Variants in COL6A5 observed in about 807,000 individuals in gnomAD.
COL6A5 encodes collagen alpha-5(VI) chain.
COL6A5 carries 48 observed loss-of-function variants against 65.6 expected under a neutral mutation model. The observed-to-expected ratio is 0.73, with a 90% CI of 0.58 to 0.93. COL6A5 has a LOEUF of 0.93. COL6A5 is among the 40% of genes least tolerant of loss of function. COL6A5 has a pLI of 0.00. For synonymous variants in COL6A5, 291 were observed against 322.8 expected, an observed-to-expected ratio of 0.90 and a Z score of 1.05; for missense variants, 914 against 928.3, an observed-to-expected ratio of 0.98 and a Z score of 0.20.
chr3:130,410,110 T>C, intron 19 of COL6A5, 36 bp downstream of exon 19: 1 of 1,409,246 alleles, frequency 7.1e-7, no homozygotes, highest in Non-Finnish European at 9.8e-7. Flanking sequence ...GTTGATTAAT[T>C]CTGTTATTGA....
chr3:130,471,546 A>G, intron 7 of COL6A5, 136 bp from the exon 40 acceptor site: 2 of 795,118 alleles, frequency 2.5e-6, no homozygotes, highest in South Asian at 4.2e-5. Context: ...GTCAAATTTC[A>G]TTCATGGACT....
chr3:130,439,651 G>A, intron 2 of COL6A5, 36 bp downstream of exon 34: 1 of 1,369,256 alleles, frequency 7.3e-7, no homozygotes, highest in Non-Finnish European at 1.0e-6. Flanking sequence ...GTGCTGAAGA[G>A]CTTAAATGCC....
At chr3:130,440,030 A>T in intron 2 of COL6A5, 136 bp from the exon 35 acceptor site, 1 of 758,154 alleles carries the variant, frequency 1.3e-6, no homozygotes, top group Non-Finnish European at 2.1e-6. Context: ...TCATTAATTT[A>T]AATTATGTGA....
At chr3:130,416,997 A>T (rs1297584936) in intron 24 of COL6A5, among the ~76,000 whole-genome samples, 178 bp downstream of exon 24, 4 of 151,808 alleles carry the variant, frequency 2.6e-5, no homozygotes, top group African/African-American at 9.7e-5. Flanking sequence ...TACATGTGCC[A>T]TGGTGGTTTG....
chr3:130,368,131 A>G (rs1185825036), intron 1 of COL6A5, among the ~76,000 whole-genome samples: 1 of 152,192 alleles, frequency 6.6e-6, no homozygotes, highest in African/African-American at 2.4e-5. Context: ...TGGAACCAGG[A>G]TGGTTTACAC....
At chr3:130,470,556 T>TAAAAAAAAAA (rs1559920041) in intron 6 of COL6A5, among the ~76,000 whole-genome samples, 1 of 151,970 alleles carries the variant, frequency 6.6e-6, no homozygotes, top group African/African-American at 2.4e-5. Flanking sequence ...AAACATTTTT[T>TAAAAAAAAAA]AAAAAATAGT....
intron 7 of COL6A5, among the ~76,000 whole-genome samples, chr3:130,482,111 G>T (rs1352843620): frequency 4.6e-5 from 7 of 152,108 alleles, no homozygotes; most frequent in Non-Finnish European, 1.0e-4. Flanking sequence ...TAGTCATGAA[G>T]TCTTTGCCCA....
intron 6 of COL6A5, 71 bp from the exon 39 acceptor site, chr3:130,470,800 T>C: frequency 1.8e-6 from 2 of 1,134,054 alleles, no homozygotes; most frequent in Non-Finnish European, 2.6e-6. Context: ...CGTGAAAACA[T>C]GATCTGACTT....
intron 13 of COL6A5, 46 bp downstream of exon 13, chr3:130,403,708 TACACAC>T (rs71158192): frequency 0.12 from 151,412 of 1,214,508 alleles, 9,734 homozygotes; most frequent in Middle Eastern, 0.19. Flanking sequence ...ACACACACTG[TACACAC>T]ACACACACAC....
chr3:130,372,620 A>G (rs1935610931), intron 1 of COL6A5, among the ~76,000 whole-genome samples: 1 of 152,202 alleles, frequency 6.6e-6, no homozygotes, highest in Admixed American at 6.5e-5. Flanking sequence ...AGAATAGGCA[A>G]ATCCATAGAG....
At chr3:130,466,581 T>A (rs1410389759) in intron 5 of COL6A5, among the ~76,000 whole-genome samples, 1 of 151,748 alleles carries the variant, frequency 6.6e-6, no homozygotes, top group African/African-American at 2.4e-5. Context: ...AAGAACTAGA[T>A]AAACCCAAGG....
chr3:130,398,639 A>G (rs1192005004), intron 10 of COL6A5, among the ~76,000 whole-genome samples: 2 of 152,056 alleles, frequency 1.3e-5, no homozygotes, highest in African/African-American at 2.4e-5. Context: ...CTATATAGAC[A>G]TGTGTCCTTG....
rs77730458 is a variant in COL6A5, at chr3:130,392,200, C to A, written c.2992+446C>A. Among the ~76,000 whole-genome samples the A allele has an allele frequency of 5.3e-3, 801 of 152,238 alleles. 9 individuals carry two copies. The highest frequency in any genetic ancestry group is 0.018 in the African/African-American group (729 of 41,544). On this transcript the variant is annotated intron_variant and NMD_transcript_variant, in intron 7 of 41. Coordinates refer to the COL6A5 transcript ENST00000312481. ...TTTGCCTTCAAAGATCCAGGGCCCT[C>A]TAAATGAGATCATAGGCATTCTAGA... is the stretch of plus-strand genomic sequence containing the variant.
rs1485985106 is a variant in COL6A5, at chr3:130,406,015, C to T, written c.4376C>T (p.Pro1459Leu). The T allele has an allele frequency of 9.7e-6, 15 of 1,551,260 alleles. No homozygotes were observed. In the South Asian group the frequency reaches 1.8e-4, roughly 18 times the overall value. The change falls in exon 15 of 42, where the codon CCT becomes CTT. Residue 1459 changes from proline (P) to leucine (L), a missense_variant and NMD_transcript_variant. Pro to Leu is a moderately conservative substitution (Grantham distance 98). Transcript: ENST00000312481. ...CAGGGACTCAAAGGATTTTCTGGAC[C>T]TAAGGTACTGGAGTTTTTTCTTAGT... is the stretch of plus-strand genomic sequence containing the variant.
chr3:130,470,862 T>G lies in COL6A5; in HGVS notation c.2232-9T>G. The G allele has an allele frequency of 6.2e-7, 1 of 1,604,368 alleles. No homozygotes were observed. The highest frequency in any genetic ancestry group is 8.5e-7 in the Non-Finnish European group (1 of 1,172,624). On this transcript the variant is annotated splice_polypyrimidine_tract_variant and intron_variant, in intron 6 of 7. Transcript: ENST00000512836. The stretch of plus-strand genomic sequence containing the variant: ...AAAATTTAGACTAACCAGCCCACTC[T>G]CTCTCCAGGTGCCATCAACAAATAT...
At chr3:130,439,642 T>C (rs1325865538) in intron 2 of COL6A5, 27 bp downstream of exon 34, 1 of 1,481,126 alleles carries the variant, frequency 6.8e-7, no homozygotes, top group Non-Finnish European at 9.2e-7. Context: ...GAATTGACTG[T>C]GCTGAAGAGC....
chr3:130,468,134 A>C (rs1285399997), intron 5 of COL6A5, among the ~76,000 whole-genome samples: 1 of 152,074 alleles, frequency 6.6e-6, no homozygotes, highest in Non-Finnish European at 1.5e-5. Context: ...AATAAATGTC[A>C]GCTGAACTAA....
chr3:130,410,222 G>A (rs1937131814), intron 19 of COL6A5, 148 bp downstream of exon 19: 1 of 695,836 alleles, frequency 1.4e-6, no homozygotes, highest in African/African-American at 1.8e-5. Flanking sequence ...CATATTTGTA[G>A]TAGGGTATAC....
At chr3:130,434,648 A>G (rs1178010824) in intron 1 of COL6A5, among the ~76,000 whole-genome samples, 1 of 152,168 alleles carries the variant, frequency 6.6e-6, no homozygotes, top group Non-Finnish European at 1.5e-5. Context: ...ATGAGATGGT[A>G]TCTCATTGTG....
Sources: allele counts gnomAD v4.1 joint callset (sites outside exome capture counted in the v4.1 genomes callset), GRCh38; gene constraint gnomAD v4.1.1; transcripts MANE v1.5; gene names NCBI Gene and HGNC (gene_info 2026-07-23, HGNC 2026-07-21).